The following EPHA6 variants were observed in gnomAD, a reference collection of about 807,000 sequenced individuals.
The protein encoded by EPHA6 is EPH receptor A6.
In EPHA6, 50 loss-of-function variants were observed where a neutral mutation model predicts 112.0. That is an observed-to-expected ratio of 0.45 (90% CI 0.36 to 0.56). The LOEUF (loss-of-function observed/expected upper bound fraction) is 0.56, where lower values mean the gene tolerates loss of function less well. Ranked by LOEUF, EPHA6 falls within the 20% of genes least tolerant of loss-of-function variation. The pLI is 0.00. For missense variants in EPHA6, 1,280 were observed against 1,417.4 expected, an observed-to-expected ratio of 0.90 and a Z score of 1.56; for synonymous variants, 529 against 490.7, an observed-to-expected ratio of 1.08 and a Z score of -1.03.
chr3:97,681,464 TTCC>T (rs2031856386), intron 14 of EPHA6, among the ~76,000 whole-genome samples: 1 of 152,206 alleles, frequency 6.6e-6, no homozygotes, highest in African/African-American at 2.4e-5. Flanking sequence ...ATTAAATATC[TTCC>T]TATCAGGAAT....
chr3:97,300,925 G>C (rs980920115), intron 5 of EPHA6, among the ~76,000 whole-genome samples: 6 of 152,134 alleles, frequency 3.9e-5, no homozygotes, highest in African/African-American at 1.4e-4. Flanking sequence ...CATCCTGTGA[G>C]AGTCCTGAAA....
At chr3:96,920,114 A>T (rs1474125423) in intron 2 of EPHA6, among the ~76,000 whole-genome samples, 1 of 151,928 alleles carries the variant, frequency 6.6e-6, no homozygotes, top group Non-Finnish European at 1.5e-5. Flanking sequence ...AGTCAATTTT[A>T]TGTTTTTCTT....
intron 10 of EPHA6, among the ~76,000 whole-genome samples, chr3:97,508,138 A>G (rs1432025320): frequency 1.3e-5 from 2 of 151,408 alleles, no homozygotes; most frequent in African/African-American, 4.9e-5. Flanking sequence ...TTTTTTTTTG[A>G]AGTATTTTTT....
chr3:96,851,447 A>C (rs1198451679), intron 1 of EPHA6, among the ~76,000 whole-genome samples: 1 of 152,156 alleles, frequency 6.6e-6, no homozygotes, highest in Non-Finnish European at 1.5e-5. Context: ...ATCATTTCTC[A>C]TCTGGACTCT....
intron 14 of EPHA6, among the ~76,000 whole-genome samples, chr3:97,706,043 C>A (rs896060967): frequency 1.3e-5 from 2 of 152,036 alleles, no homozygotes; most frequent in African/African-American, 4.8e-5. Flanking sequence ...CATTGCTTTG[C>A]CAAAATGTAT....
chr3:97,140,689 C>T (rs1295951360), intron 3 of EPHA6, among the ~76,000 whole-genome samples: 1 of 152,012 alleles, frequency 6.6e-6, no homozygotes, highest in Non-Finnish European at 1.5e-5. Flanking sequence ...GAATTCTAAA[C>T]CTAGAAACAA....
intron 3 of EPHA6, among the ~76,000 whole-genome samples, chr3:96,994,811 TAG>T (rs1245108270): frequency 9.2e-5 from 13 of 140,642 alleles, no homozygotes; most frequent in African/African-American, 2.2e-4. Flanking sequence ...TATATATATA[TAG>T]AGAGAGAGAG....
chr3:96,944,879 G>T lies in EPHA6; in HGVS notation c.451-42451G>T, dbSNP rs193224288. Reference sequence around the variant, plus strand: ...TGCTTGAACCCGGGAGGCAGAGGTTGCAGTGAGCCAATATCGTGCCACTGC... The same window carrying T: ...TGCTTGAACCCGGGAGGCAGAGGTTTCAGTGAGCCAATATCGTGCCACTGC... On this transcript the variant is annotated intron_variant, in intron 2 of 17. Transcript: ENST00000389672. Among the ~76,000 whole-genome samples, 59 of 152,296 alleles carry T rather than the reference G, an allele frequency of 3.9e-4. No individual in the cohort carries two copies. In the East Asian group the frequency reaches 7.7e-3, roughly 20 times the overall value.
intron 11 of EPHA6, among the ~76,000 whole-genome samples, chr3:97,545,986 T>C (rs1263036674): frequency 1.3e-5 from 2 of 152,200 alleles, no homozygotes; most frequent in East Asian, 3.8e-4. Context: ...GTTTCCTGAA[T>C]ACAGCACACT....
chr3:97,041,425 G>C (rs186688765), intron 3 of EPHA6, among the ~76,000 whole-genome samples: 2 of 152,102 alleles, frequency 1.3e-5, no homozygotes, highest in Admixed American at 1.3e-4. Context: ...TTGTAATGCT[G>C]TAAGGTGAAT....
At chr3:96,893,112 T>C (rs1319493137) in intron 2 of EPHA6, among the ~76,000 whole-genome samples, 3 of 152,114 alleles carry the variant, frequency 2.0e-5, no homozygotes, top group Admixed American at 1.3e-4. Flanking sequence ...CATAACATCA[T>C]AGCACAATGC....
At chr3:97,468,167 G>A (rs913597755) in intron 7 of EPHA6, among the ~76,000 whole-genome samples, 1 of 150,252 alleles carries the variant, frequency 6.7e-6, no homozygotes, top group Non-Finnish European at 1.5e-5. Flanking sequence ...TATGATCCCT[G>A]CTAAGGGTCT....
chr3:97,001,221 C>G (rs759189578), intron 3 of EPHA6, among the ~76,000 whole-genome samples: 1 of 151,572 alleles, frequency 6.6e-6, no homozygotes, highest in Non-Finnish European at 1.5e-5. Context: ...CAACAGGGAA[C>G]ATTTGTGGTA....
chr3:96,990,904 G>A (rs978177448), intron 3 of EPHA6, among the ~76,000 whole-genome samples: 1 of 152,102 alleles, frequency 6.6e-6, no homozygotes, highest in Non-Finnish European at 1.5e-5. Context: ...GTAGAAAAGT[G>A]ACCACATATA....
At chr3:97,333,709 G>A (rs745502888) in intron 5 of EPHA6, among the ~76,000 whole-genome samples, 2 of 151,778 alleles carry the variant, frequency 1.3e-5, no homozygotes, top group Non-Finnish European at 2.9e-5. Context: ...AAACTCCTTG[G>A]CTCAAGCAGT....
chr3:97,649,021 G>T (rs569471834), intron 14 of EPHA6, among the ~76,000 whole-genome samples: 3 of 152,092 alleles, frequency 2.0e-5, no homozygotes, highest in Non-Finnish European at 2.9e-5. Flanking sequence ...AATGGAGGGG[G>T]TTTGACTGCT....
intron 1 of EPHA6, among the ~76,000 whole-genome samples, chr3:96,843,479 A>C (rs985178905): frequency 6.6e-6 from 1 of 152,018 alleles, no homozygotes; most frequent in African/African-American, 2.4e-5. Flanking sequence ...TAAGGAAGTG[A>C]TATTTAGCTT....
At chr3:97,046,815 A>C (rs60297185) in intron 3 of EPHA6, among the ~76,000 whole-genome samples, 155 of 152,254 alleles carry the variant, frequency 1.0e-3, no homozygotes, top group African/African-American at 3.6e-3. Flanking sequence ...ATTTTAGAAA[A>C]TAATCACAAA....
rs572614085 is a variant in EPHA6, at chr3:97,081,816, ATAT to A, written c.1114+93830_1114+93832del. Among the ~76,000 whole-genome samples, 229 of 151,364 alleles carry A rather than the reference ATAT, an allele frequency of 1.5e-3. 1 individual carries two copies. Among genetic ancestry groups the A allele is most frequent in the African/African-American group, 4.8e-3 (201 of 41,464 alleles). On this transcript the variant is annotated intron_variant, in intron 3 of 17. Transcript: ENST00000389672. ...TGCATCAATTAAAATAATATTTAAA[ATAT>A]TATTATATTTTTAAAATAATGTTAG...
Sources: gnomAD v4.1 joint callset for allele counts (sites outside exome capture counted in the v4.1 genomes callset) on GRCh38, gnomAD v4.1.1 for gene constraint, MANE v1.5 for transcripts, NCBI Gene and HGNC (gene_info 2026-07-23, HGNC 2026-07-21) for gene names.